NRXN3: variants seen among roughly 807,000 people sequenced by gnomAD.
The protein encoded by NRXN3 is neurexin 3.
A neutral mutation model predicts 137.6 loss-of-function variants in NRXN3; 32 were observed. That is an observed-to-expected ratio of 0.23 (90% CI 0.18 to 0.31). NRXN3 has a LOEUF of 0.31. NRXN3 is among the 10% of genes least tolerant of loss of function. The pLI is 1.00. For synonymous variants in NRXN3, 798 were observed against 784.5 expected, an observed-to-expected ratio of 1.02 and a Z score of -0.29; for missense variants, 1,574 against 2,062.5, an observed-to-expected ratio of 0.76 and a Z score of 4.59.
chr14:78,323,168 A>G (rs534823816), intron 4 of NRXN3, among the ~76,000 whole-genome samples: 18 of 152,092 alleles, frequency 1.2e-4, no homozygotes, highest in Non-Finnish European at 2.6e-4. Context: ...AAAATTGTAT[A>G]TATCTTCCCA....
At chr14:79,374,439 A>G (rs73327705) in intron 15 of NRXN3, among the ~76,000 whole-genome samples, 14,283 of 152,082 alleles carry the variant, frequency 0.094, 1,590 homozygotes, top group African/African-American at 0.26. Context: ...GTGACACTAA[A>G]ATACCACATT....
chr14:79,232,550 T>C (rs1207075235), intron 15 of NRXN3, among the ~76,000 whole-genome samples: 1 of 152,158 alleles, frequency 6.6e-6, no homozygotes, highest in Non-Finnish European at 1.5e-5. Context: ...AATATTAGAG[T>C]ACCATCTCTT....
At chr14:78,393,358 TATC>T (rs2091018993) in intron 4 of NRXN3, among the ~76,000 whole-genome samples, 1 of 152,082 alleles carries the variant, frequency 6.6e-6, no homozygotes, top group South Asian at 2.1e-4. Context: ...TTGACGCTGA[TATC>T]ATCAAGATAC....
chr14:79,670,119 C>A (rs935442209), intron 17 of NRXN3, among the ~76,000 whole-genome samples: 15 of 152,096 alleles, frequency 9.9e-5, no homozygotes, highest in Middle Eastern at 3.4e-3. Flanking sequence ...CTCATTCAGT[C>A]CTCACTCCAA....
intron 20 of NRXN3, among the ~76,000 whole-genome samples, chr14:79,813,334 C>CTG (rs1046221047): frequency 1.3e-5 from 2 of 152,102 alleles, no homozygotes; most frequent in Admixed American, 6.5e-5. Flanking sequence ...ATGCACATTC[C>CTG]TGTGTATATA....
chr14:78,509,227 A>T (rs1241688064), intron 4 of NRXN3, among the ~76,000 whole-genome samples: 2 of 152,126 alleles, frequency 1.3e-5, no homozygotes, highest in Admixed American at 1.3e-4. Flanking sequence ...TGAACCCGGG[A>T]GGCAGAGGTT....
intron 4 of NRXN3, among the ~76,000 whole-genome samples, chr14:78,384,660 A>C (rs549307238): frequency 6.6e-6 from 1 of 152,102 alleles, no homozygotes; most frequent in East Asian, 1.9e-4. Flanking sequence ...CAGCCTTCCT[A>C]TTCTGCCCCC....
intron 16 of NRXN3, among the ~76,000 whole-genome samples, chr14:79,623,358 T>C (rs2098245394): frequency 6.6e-6 from 1 of 152,190 alleles, no homozygotes; most frequent in Non-Finnish European, 1.5e-5. Context: ...TAGTCAATTA[T>C]CTGGTTTAGC....
intron 15 of NRXN3, among the ~76,000 whole-genome samples, chr14:79,199,121 G>A (rs2065551031): frequency 6.6e-6 from 1 of 151,782 alleles, no homozygotes; most frequent in Non-Finnish European, 1.5e-5. Flanking sequence ...GAGCCAAGAT[G>A]GCGCCACTGC....
chr14:78,182,829 CTTT>C (rs2059926706), intron 1 of NRXN3, among the ~76,000 whole-genome samples: 2 of 151,976 alleles, frequency 1.3e-5, no homozygotes, highest in Non-Finnish European at 2.9e-5. Context: ...ATTCTTATCC[CTTT>C]TTTTGCAGGT....
At chr14:79,780,587 C>T (rs1362876310) in intron 19 of NRXN3, among the ~76,000 whole-genome samples, 2 of 151,998 alleles carry the variant, frequency 1.3e-5, no homozygotes, top group Non-Finnish European at 2.9e-5. Context: ...CCAGCCTGGG[C>T]GACAGAGCGA....
chr14:79,344,598 CTAAT>C (rs1218692716), intron 15 of NRXN3, among the ~76,000 whole-genome samples: 1 of 152,050 alleles, frequency 6.6e-6, no homozygotes, highest in Non-Finnish European at 1.5e-5. Context: ...AGATCTGAAA[CTAAT>C]TAAAACAATT....
chr14:78,769,995 A>G (rs1327933013), intron 8 of NRXN3, among the ~76,000 whole-genome samples: 1 of 151,278 alleles, frequency 6.6e-6, no homozygotes, highest in Non-Finnish European at 1.5e-5. Context: ...GTTCTTGTCT[A>G]TTTTTGCTGT....
At chr14:79,329,454 A>G (rs1422629086) in intron 15 of NRXN3, among the ~76,000 whole-genome samples, 1 of 152,182 alleles carries the variant, frequency 6.6e-6, no homozygotes, top group Non-Finnish European at 1.5e-5. Flanking sequence ...GTGTGACTCT[A>G]CTGGCTGCAT....
At chr14:79,136,140 A>G (rs1292990285) in intron 15 of NRXN3, among the ~76,000 whole-genome samples, 4 of 152,194 alleles carry the variant, frequency 2.6e-5, no homozygotes, top group African/African-American at 7.2e-5. Flanking sequence ...AATCCTAGGA[A>G]TTAGTAATAT....
chr14:78,853,639 A>G (rs923822239), intron 10 of NRXN3, among the ~76,000 whole-genome samples: 2 of 152,216 alleles, frequency 1.3e-5, no homozygotes, highest in African/African-American at 4.8e-5. Flanking sequence ...CATGGCTACA[A>G]TTAGTCCACG....
At chr14:79,017,619 C>T (rs766106461) in intron 15 of NRXN3, among the ~76,000 whole-genome samples, 4 of 152,116 alleles carry the variant, frequency 2.6e-5, no homozygotes, top group South Asian at 2.1e-4. Flanking sequence ...ATTACTGGAG[C>T]AAATTATAAC....
At chr14:79,269,598 G>A (rs771141176) in intron 15 of NRXN3, among the ~76,000 whole-genome samples, 1 of 152,178 alleles carries the variant, frequency 6.6e-6, no homozygotes, top group Non-Finnish European at 1.5e-5. Context: ...TCTGTCCCAC[G>A]GTTCTCAGGC....
In NRXN3 at chr14:79,796,558, T is replaced by C. The variant is rs2099161554; in HGVS notation, c.4015-8554T>C. Among the ~76,000 whole-genome samples, 3 of 152,242 alleles carry C rather than the reference T, an allele frequency of 2.0e-5. No homozygotes were observed. In the South Asian group the frequency reaches 6.2e-4, roughly 32 times the overall value. ...AAAAATTAAACTGCTGCACTACATT[T>C]ATTTATATAATCCTAGAAGACCTCA... On this transcript the variant is annotated intron_variant, in intron 19 of 20. Coordinates refer to ENST00000335750, the MANE Select transcript of NRXN3 (RefSeq NM_001330195.2).
Sources: allele counts gnomAD v4.1 joint callset (sites outside exome capture counted in the v4.1 genomes callset), GRCh38; gene constraint gnomAD v4.1.1; transcripts MANE v1.5; gene names NCBI Gene and HGNC (gene_info 2026-07-23, HGNC 2026-07-21).